Variants in MICU1 observed in about 807,000 individuals in gnomAD.
The protein encoded by MICU1 is calcium uptake protein 1, mitochondrial.
In MICU1, 45 loss-of-function variants were observed where a neutral mutation model predicts 56.8. That is an observed-to-expected ratio of 0.79 (90% CI 0.62 to 1.02). MICU1 has a LOEUF of 1.02. MICU1 is among the 50% of genes least tolerant of loss of function. The pLI, the probability that MICU1 is intolerant of heterozygous loss-of-function variation, is 0.00. For synonymous variants in MICU1, 186 were observed against 195.1 expected, an observed-to-expected ratio of 0.95 and a Z score of 0.39; for missense variants, 504 against 587.1, an observed-to-expected ratio of 0.86 and a Z score of 1.46.
intron 1 of MICU1, among the ~76,000 whole-genome samples, chr10:72,599,700 A>C (rs912270577): frequency 1.3e-5 from 2 of 151,740 alleles, no homozygotes; most frequent in African/African-American, 4.8e-5. Context: ...TTCCTTCCTT[A>C]CTTCCTGCCT....
At chr10:72,392,874 G>A (rs1210599827) in intron 10 of MICU1, among the ~76,000 whole-genome samples, 1 of 152,268 alleles carries the variant, frequency 6.6e-6, no homozygotes, top group Non-Finnish European at 1.5e-5. Context: ...CCCAAGGAGT[G>A]CTTGTAAGAG....
intron 1 of MICU1, among the ~76,000 whole-genome samples, chr10:72,602,485 A>T (rs980931017): frequency 2.6e-5 from 4 of 152,074 alleles, no homozygotes; most frequent in Non-Finnish European, 5.9e-5. Flanking sequence ...GAATAAACCT[A>T]AATGGCCTAT....
intron 8 of MICU1, among the ~76,000 whole-genome samples, chr10:72,441,636 A>C (rs1589223646): frequency 4.0e-5 from 1 of 25,108 alleles, no homozygotes; most frequent in African/African-American, 1.1e-4. Context: ...TTTTTTTTTG[A>C]GGCAGAACCT....
chr10:72,531,811 C>T, intron 5 of MICU1: 1 of 150,428 alleles, frequency 6.6e-6, no homozygotes, highest in African/African-American at 2.4e-5. Flanking sequence ...AGACTTCATA[C>T]ATAACAAAAA....
chr10:72,436,521 C>T (rs1283113996), intron 8 of MICU1, among the ~76,000 whole-genome samples: 2 of 152,180 alleles, frequency 1.3e-5, no homozygotes, highest in African/African-American at 4.8e-5. Context: ...AGGATCGCAG[C>T]TCCTTGCCAG....
rs563534293 is a variant in MICU1 at position 72,511,667 on chromosome 10, C to T, written c.538-3398G>A. On this transcript the variant is annotated intron_variant, in intron 5 of 11. Coordinates refer to ENST00000361114, the MANE Select transcript of MICU1 (RefSeq NM_001195518.2). ...ACACAGTTGCCCAAAGAGCTGAGAT[C>T]TTGAGAAATTTTATCTTTCACAAAT... Among the ~76,000 whole-genome samples the T allele has an allele frequency of 2.0e-5, 3 of 152,264 alleles. No homozygotes were observed. In the East Asian group the frequency reaches 5.8e-4, roughly 29 times the overall value.
chr10:72,512,950 G>A (rs1037497202), intron 5 of MICU1, among the ~76,000 whole-genome samples: 6 of 151,876 alleles, frequency 4.0e-5, no homozygotes, highest in African/African-American at 7.3e-5. Flanking sequence ...AGCAATCTGC[G>A]TGCCTCAGCC....
chr10:72,393,638 G>A (rs1006843131), intron 10 of MICU1, among the ~76,000 whole-genome samples: 4 of 152,202 alleles, frequency 2.6e-5, no homozygotes, highest in African/African-American at 7.2e-5. Flanking sequence ...GTAAAGAGGC[G>A]AGGGCTGTGG....
intron 4 of MICU1, among the ~76,000 whole-genome samples, chr10:72,540,863 A>G (rs1388416945): frequency 6.6e-6 from 1 of 152,208 alleles, no homozygotes; most frequent in Non-Finnish European, 1.5e-5. Context: ...TTTCTTTCTT[A>G]TATCTTGGCC....
At chr10:72,372,778 G>C (rs1862388651) in intron 11 of MICU1, among the ~76,000 whole-genome samples, 1 of 152,060 alleles carries the variant, frequency 6.6e-6, no homozygotes, top group Non-Finnish European at 1.5e-5. Flanking sequence ...GGAGGCAGAG[G>C]CTGCAGTGAG....
chr10:72,434,180 A>C (rs909087320), intron 8 of MICU1, among the ~76,000 whole-genome samples: 10 of 152,134 alleles, frequency 6.6e-5, no homozygotes, highest in Non-Finnish European at 1.0e-4. Flanking sequence ...ACTTAGAAAA[A>C]TTCTCTAGAT....
intron 8 of MICU1, among the ~76,000 whole-genome samples, chr10:72,474,537 TAA>T (rs1380865753): frequency 6.6e-6 from 1 of 152,136 alleles, no homozygotes; most frequent in Non-Finnish European, 1.5e-5. Flanking sequence ...CTTAAACAAT[TAA>T]AGAGACAGGA....
At chr10:72,550,829 GT>G (rs1276882055) in intron 4 of MICU1, among the ~76,000 whole-genome samples, 8 of 152,274 alleles carry the variant, frequency 5.3e-5, no homozygotes, top group African/African-American at 1.9e-4. Flanking sequence ...CTTTAAAAGT[GT>G]GTTAATTTCA....
intron 6 of MICU1, among the ~76,000 whole-genome samples, chr10:72,500,253 CATACATACATATATATATATATAT>C (rs1186409695): frequency 1.2e-4 from 6 of 49,954 alleles, no homozygotes; most frequent in African/African-American, 7.2e-4. Flanking sequence ...TATATACATA[CATACATACATATATATATATATAT>C]ATATATATAT....
chr10:72,468,339 C>T (rs921322049), intron 8 of MICU1, among the ~76,000 whole-genome samples: 7 of 150,212 alleles, frequency 4.7e-5, no homozygotes, highest in Non-Finnish European at 1.0e-4. Context: ...CCCCCTTACC[C>T]CTCTCAAATT....
chr10:72,430,294 GT>G (rs1864484161), intron 8 of MICU1, among the ~76,000 whole-genome samples: 1 of 152,024 alleles, frequency 6.6e-6, no homozygotes, highest in African/African-American at 2.4e-5. Flanking sequence ...TTTGTCTATG[GT>G]AAGTACCACT....
chr10:72,487,222 A>G (rs1003496359), intron 6 of MICU1, among the ~76,000 whole-genome samples: 9 of 152,150 alleles, frequency 5.9e-5, no homozygotes, highest in African/African-American at 2.2e-4. Flanking sequence ...CTGACTGAAG[A>G]GGAATGATGA....
intron 1 of MICU1, among the ~76,000 whole-genome samples, chr10:72,608,759 C>G (rs1841760351): frequency 6.6e-6 from 1 of 152,150 alleles, no homozygotes; most frequent in Admixed American, 6.5e-5. Flanking sequence ...TGTAACCTAA[C>G]GATGTATAAA....
chr10:72,618,166 C>T (rs919592823), intron 1 of MICU1, among the ~76,000 whole-genome samples: 1 of 85,328 alleles, frequency 1.2e-5, no homozygotes, highest in Non-Finnish European at 2.5e-5. Flanking sequence ...GACTCTGTCT[C>T]AAAAAAAAAA....
Sources: gnomAD v4.1 joint callset for allele counts (sites outside exome capture counted in the v4.1 genomes callset) on GRCh38, gnomAD v4.1.1 for gene constraint, MANE v1.5 for transcripts, NCBI Gene and HGNC (gene_info 2026-07-23, HGNC 2026-07-21) for gene names.